SEMA5A: variants seen among roughly 807,000 people sequenced by gnomAD.
SEMA5A encodes semaphorin 5A.
SEMA5A carries 55 observed loss-of-function variants against 135.5 expected under a neutral mutation model. That is an observed-to-expected ratio of 0.41 (90% CI 0.33 to 0.51). The LOEUF (loss-of-function observed/expected upper bound fraction) is 0.51, where lower values mean the gene tolerates loss of function less well. Among genes scored for constraint, SEMA5A ranks in the 20% least tolerant of loss-of-function variants. The probability of loss-of-function intolerance (pLI) is 0.37; values close to 1 mark genes in which losing one functional copy is unlikely to be tolerated. For missense variants in SEMA5A, 1,290 were observed against 1,419.9 expected (o/e 0.91, Z 1.47); for synonymous variants, 580 against 546.5 (o/e 1.06, Z -0.85).
At chr5:9,501,005 C>T (rs1347909877) in intron 1 of SEMA5A, among the ~76,000 whole-genome samples, 1 of 152,058 alleles carries the variant, frequency 6.6e-6, no homozygotes, top group Non-Finnish European at 1.5e-5. Flanking sequence ...CCATCCCTGC[C>T]TTTATGAAAA....
In SEMA5A at chr5:9,136,597, A is replaced by G. The variant is rs1221089998; in HGVS notation, c.1506T>C (p.Pro502=). The part of the protein sequence containing the change: ...TRSTCIGAQD[P]YCGWDVVMKK... Reference sequence around the variant, plus strand: ...TCATTACCACATCCCAGCCACAGTAAGGGTCCTGGGCCCCAATGCAGGTGC... The same window carrying G: ...TCATTACCACATCCCAGCCACAGTAGGGGTCCTGGGCCCCAATGCAGGTGC... Residue 502 remains proline, a synonymous_variant, in exon 13 of 23, where the codon CCT becomes CCC. Transcript: ENST00000382496. 4 of 1,614,060 alleles carry G rather than the reference A, an allele frequency of 2.5e-6. No homozygotes were observed. The highest frequency in any genetic ancestry group is 2.5e-6 in the Non-Finnish European group (3 of 1,180,026).
chr5:9,276,842 C>A (rs1295085778), intron 5 of SEMA5A, among the ~76,000 whole-genome samples: 1 of 152,202 alleles, frequency 6.6e-6, no homozygotes, highest in Admixed American at 6.5e-5. Flanking sequence ...AACATAAGAC[C>A]TAAAACCATA....
chr5:9,108,106 A>G, intron 16 of SEMA5A, 34 bp downstream of exon 16: 1 of 1,605,954 alleles, frequency 6.2e-7, no homozygotes, highest in Non-Finnish European at 8.5e-7. Flanking sequence ...CTGGTTCTGG[A>G]TTGTGGGCTG....
chr5:9,169,299 A>G (rs1743783973), intron 11 of SEMA5A, among the ~76,000 whole-genome samples: 1 of 152,104 alleles, frequency 6.6e-6, no homozygotes, highest in South Asian at 2.1e-4. Context: ...AAATATATAC[A>G]CTTTGTATTT....
intron 5 of SEMA5A, among the ~76,000 whole-genome samples, chr5:9,249,503 C>T (rs1408936875): frequency 1.3e-5 from 2 of 152,118 alleles, no homozygotes; most frequent in African/African-American, 4.8e-5. Flanking sequence ...GGGTATCTCC[C>T]GTGTGTGTAA....
At chr5:9,493,299 A>G (rs954282974) in intron 1 of SEMA5A, among the ~76,000 whole-genome samples, 1 of 150,676 alleles carries the variant, frequency 6.6e-6, no homozygotes, top group East Asian at 1.9e-4. Flanking sequence ...CTATCTATCT[A>G]TATATATAAA....
intron 11 of SEMA5A, among the ~76,000 whole-genome samples, chr5:9,159,904 G>A (rs1743157386): frequency 6.6e-6 from 1 of 152,120 alleles, no homozygotes; most frequent in Admixed American, 6.5e-5. Context: ...CCTTTTCAGG[G>A]ACATAGATGA....
chr5:9,422,243 C>T (rs6887921), intron 2 of SEMA5A: 90,326 of 152,030 alleles, frequency 0.59, 27,421 homozygotes, highest in Middle Eastern at 0.69. Context: ...TCTCACCCTT[C>T]AATGCAGATG....
intron 5 of SEMA5A, among the ~76,000 whole-genome samples, chr5:9,253,484 T>C (rs1748908295): frequency 6.6e-6 from 1 of 152,198 alleles, no homozygotes; most frequent in African/African-American, 2.4e-5. Context: ...TATTTCTGGT[T>C]TTGGAAGCTA....
At chr5:9,224,923 T>C (rs776678160) in intron 7 of SEMA5A, 36 bp from the exon 8 acceptor site, 3 of 1,570,778 alleles carry the variant, frequency 1.9e-6, no homozygotes, top group South Asian at 2.3e-5. Context: ...CAGTTATCTC[T>C]GCACAAGCCC....
At chr5:9,149,477 C>T (rs1229239916) in intron 12 of SEMA5A, among the ~76,000 whole-genome samples, 1 of 152,152 alleles carries the variant, frequency 6.6e-6, no homozygotes, top group Non-Finnish European at 1.5e-5. Flanking sequence ...AACCCCGTCT[C>T]TACTAAAAAT....
At chr5:9,352,322 A>G (rs1053169001) in intron 3 of SEMA5A, among the ~76,000 whole-genome samples, 1 of 151,822 alleles carries the variant, frequency 6.6e-6, no homozygotes, top group African/African-American at 2.4e-5. Flanking sequence ...TTATTTTTTA[A>G]TTTGTATCTA....
intron 5 of SEMA5A, among the ~76,000 whole-genome samples, chr5:9,299,880 T>A (rs1436173392): frequency 6.6e-6 from 1 of 152,210 alleles, no homozygotes; most frequent in African/African-American, 2.4e-5. Flanking sequence ...AGCTGAGATG[T>A]AACAGAAGAG....
rs1359525424 is a variant in SEMA5A at position 9,352,275 on chromosome 5, C to T, written c.125-14463G>A. The stretch of plus-strand genomic sequence containing the variant: ...CTAACCTCCCTCCTTTCCAGGCCAC[C>T]AGACACTACCAATCTGATATATCTT... On this transcript the variant is annotated intron_variant, in intron 3 of 22. Coordinates refer to ENST00000382496, the MANE Select transcript of SEMA5A (RefSeq NM_003966.3). 2.0e-5 allele frequency among the ~76,000 whole-genome samples: 3 copies of T among 152,132 alleles called. No homozygotes were observed. In the East Asian group the frequency reaches 5.8e-4, roughly 29 times the overall value.
At chr5:9,124,929 C>T (rs948839082) in intron 13 of SEMA5A, among the ~76,000 whole-genome samples, 3 of 152,192 alleles carry the variant, frequency 2.0e-5, no homozygotes, top group African/African-American at 7.2e-5. Flanking sequence ...ATCGGAAAGA[C>T]TCATCATCCT....
intron 2 of SEMA5A, among the ~76,000 whole-genome samples, chr5:9,383,350 G>A (rs1201997132): frequency 6.6e-6 from 1 of 152,190 alleles, no homozygotes; most frequent in South Asian, 2.1e-4. Flanking sequence ...TCTGTTAAAA[G>A]CAAGGAGGTT....
At chr5:9,044,348 A>C in intron 22 of SEMA5A, 25 bp downstream of exon 22, 1 of 1,590,310 alleles carries the variant, frequency 6.3e-7, no homozygotes, top group Non-Finnish European at 8.6e-7. Context: ...CCAGGCACTT[A>C]GCAGAAATAT....
At chr5:9,498,002 A>G (rs551410308) in intron 1 of SEMA5A, among the ~76,000 whole-genome samples, 7 of 152,350 alleles carry the variant, frequency 4.6e-5, no homozygotes, top group African/African-American at 1.4e-4. Flanking sequence ...TAACCCTAAC[A>G]GTCTATCTGA....
intron 4 of SEMA5A, among the ~76,000 whole-genome samples, chr5:9,323,701 G>T (rs1162457760): frequency 2.4e-5 from 3 of 125,664 alleles, no homozygotes; most frequent in African/African-American, 9.4e-5. Context: ...TTGCTTCTTC[G>T]CCCAGGCTGG....
Sources: allele counts gnomAD v4.1 joint callset (sites outside exome capture counted in the v4.1 genomes callset), GRCh38; gene constraint gnomAD v4.1.1; transcripts MANE v1.5; gene names NCBI Gene and HGNC (gene_info 2026-07-23, HGNC 2026-07-21).